Variants in POC1B observed in about 807,000 individuals in gnomAD.
POC1B encodes the protein POC1 centriolar protein homolog B.
POC1B carries 44 observed loss-of-function variants against 60.6 expected under a neutral mutation model. The observed-to-expected ratio is 0.73, with a 90% CI of 0.57 to 0.93. The LOEUF (loss-of-function observed/expected upper bound fraction) is 0.93, where lower values mean the gene tolerates loss of function less well. Ranked by LOEUF, POC1B falls within the 40% of genes least tolerant of loss-of-function variation. The probability of loss-of-function intolerance (pLI) is 0.00; values close to 1 mark genes in which losing one functional copy is unlikely to be tolerated. For synonymous variants in POC1B, 180 were observed against 198.9 expected (o/e 0.90, Z 0.80); for missense variants, 555 against 572.3 (o/e 0.97, Z 0.31).
intron 1 of POC1B, 190 bp downstream of exon 1, chr12:89,525,691 T>C (rs1871411808): frequency 1.6e-6 from 2 of 1,248,650 alleles, no homozygotes; most frequent in Non-Finnish European, 2.1e-6. Flanking sequence ...GAGCCGGGTC[T>C]GGGTTCCGCA....
At chr12:89,445,919 C>CA (rs1881766139) in intron 10 of POC1B, among the ~76,000 whole-genome samples, 1 of 152,074 alleles carries the variant, frequency 6.6e-6, no homozygotes, top group African/African-American at 2.4e-5. Flanking sequence ...AAGAAAAAAA[C>CA]AACCCAATCA....
At chr12:89,421,968 T>C (rs2120634169) in intron 11 of POC1B, among the ~76,000 whole-genome samples, 1 of 152,280 alleles carries the variant, frequency 6.6e-6, no homozygotes, top group South Asian at 2.1e-4. Context: ...TTAACATATG[T>C]TTTATATATA....
intron 10 of POC1B, among the ~76,000 whole-genome samples, chr12:89,453,157 TTTAA>T (rs1315240340): frequency 6.6e-6 from 1 of 152,252 alleles, no homozygotes; most frequent in African/African-American, 2.4e-5. Context: ...TCTTTGACAA[TTTAA>T]TTACGTCACT....
At chr12:89,519,740 A>G (rs1184609263) in intron 2 of POC1B, 1 of 152,604 alleles carries the variant, frequency 6.6e-6, no homozygotes, top group Non-Finnish European at 1.5e-5. Flanking sequence ...CTAATGGGTA[A>G]GTAAACAAAT....
At chr12:89,422,102 G>A (rs151100363) in intron 11 of POC1B, among the ~76,000 whole-genome samples, 84 of 151,730 alleles carry the variant, frequency 5.5e-4, no homozygotes, top group Non-Finnish European at 1.1e-3. Flanking sequence ...CCCACACAAG[G>A]TACATGTGTT....
At chr12:89,524,564 C>A in intron 2 of POC1B, 1 of 1,610,200 alleles carries the variant, frequency 6.2e-7, no homozygotes, top group African/African-American at 1.3e-5. Flanking sequence ...ATTCTCAGGG[C>A]TGAGGCGCAG....
downstream of POC1B, among the ~76,000 whole-genome samples, chr12:89,417,572 A>T (rs1259814309): frequency 4.6e-5 from 7 of 152,222 alleles, no homozygotes; most frequent in Non-Finnish European, 5.9e-5. Flanking sequence ...TATCTTTTTT[A>T]AAAAAGTCTG....
chr12:89,472,319 G>A (rs1882932233), intron 4 of POC1B, 44 bp from the exon 5 acceptor site: 2 of 1,280,056 alleles, frequency 1.6e-6, no homozygotes, highest in Admixed American at 3.6e-5. Context: ...AAAGGCTCTG[G>A]AGAGTCACCA....
intron 2 of POC1B, among the ~76,000 whole-genome samples, chr12:89,517,742 A>AT (rs148185724): frequency 3.8e-4 from 58 of 152,170 alleles, no homozygotes; most frequent in Non-Finnish European, 5.9e-4. Context: ...CTTGTTAATT[A>AT]TTTGTCTCCA....
At chr12:89,439,749 A>G (rs933751250) in intron 10 of POC1B, among the ~76,000 whole-genome samples, 4 of 152,030 alleles carry the variant, frequency 2.6e-5, no homozygotes, top group Non-Finnish European at 5.9e-5. Flanking sequence ...GATTACATGC[A>G]TGTACAACCA....
intron 10 of POC1B, among the ~76,000 whole-genome samples, chr12:89,431,434 TACACACAC>T (rs370664797): frequency 1.3e-5 from 2 of 149,506 alleles, no homozygotes; most frequent in African/African-American, 4.9e-5. Flanking sequence ...TTTAAATCAC[TACACACAC>T]ACACACACAC....
intron 2 of POC1B, chr12:89,500,602 G>A (rs1040170055): frequency 1.4e-5 from 23 of 1,598,216 alleles, no homozygotes; most frequent in African/African-American, 1.1e-4. Context: ...CATCTGTATC[G>A]CAAAATGTTA....
intron 10 of POC1B, chr12:89,426,064 G>C (rs1697036194): frequency 6.6e-6 from 1 of 152,178 alleles, no homozygotes; most frequent in African/African-American, 2.4e-5. Flanking sequence ...CCATAAAAAG[G>C]AATGGAATTC....
At chr12:89,416,193 C>G (rs1366751973), downstream of POC1B, among the ~76,000 whole-genome samples, 1 of 152,214 alleles carries the variant, frequency 6.6e-6, no homozygotes, top group African/African-American at 2.4e-5. Flanking sequence ...AGAGGCAGAG[C>G]TGCAACTGTA....
At chr12:89,402,619 G>A in the POC1B span, among the ~76,000 whole-genome samples, 1 of 152,062 alleles carries the variant, frequency 6.6e-6, no homozygotes, top group Admixed American at 6.6e-5. Context: ...CAGAACATGC[G>A]GTATTTGGTT....
At chr12:89,432,124 C>T (rs1387249239) in intron 10 of POC1B, among the ~76,000 whole-genome samples, 2 of 152,142 alleles carry the variant, frequency 1.3e-5, no homozygotes, top group Non-Finnish European at 2.9e-5. Flanking sequence ...TGGCTCATGC[C>T]TGTAATCCTA....
At chr12:89,454,066 T>C (rs1702641496) in intron 10 of POC1B, among the ~76,000 whole-genome samples, 1 of 152,198 alleles carries the variant, frequency 6.6e-6, no homozygotes, top group Non-Finnish European at 1.5e-5. Flanking sequence ...GTCATGGAAA[T>C]GGCAGAGTAT....
the POC1B span, among the ~76,000 whole-genome samples, chr12:89,404,132 T>TAA: frequency 2.9e-4 from 39 of 136,376 alleles, no homozygotes; most frequent in African/African-American, 1.0e-3. Flanking sequence ...AACTCCATCT[T>TAA]AAAAAAAAAA....
intron 10 of POC1B, among the ~76,000 whole-genome samples, chr12:89,450,140 A>T (rs992024052): frequency 6.6e-6 from 1 of 152,244 alleles, no homozygotes; most frequent in South Asian, 2.1e-4. Flanking sequence ...CAAAAATCAG[A>T]AACTAAATTC....
Sources: gnomAD v4.1 joint callset for allele counts (sites outside exome capture counted in the v4.1 genomes callset) on GRCh38, gnomAD v4.1.1 for gene constraint, MANE v1.5 for transcripts, NCBI Gene and HGNC (gene_info 2026-07-23, HGNC 2026-07-21) for gene names.